Variants in PLPP3 observed in about 807,000 individuals in gnomAD.
The protein encoded by PLPP3 is PAP2 beta.
In PLPP3, 6 loss-of-function variants were observed where a neutral mutation model predicts 29.6. That is an observed-to-expected ratio of 0.20 (90% CI 0.11 to 0.40). The LOEUF (loss-of-function observed/expected upper bound fraction) is 0.40. Ranked by LOEUF, PLPP3 falls within the 10% of genes least tolerant of loss-of-function variation. The pLI, the probability that PLPP3 is intolerant of heterozygous loss-of-function variation, is 1.00. For synonymous variants in PLPP3, 152 were observed against 159.7 expected, an observed-to-expected ratio of 0.95 and a Z score of 0.36; for missense variants, 308 against 407.7, an observed-to-expected ratio of 0.76 and a Z score of 2.11.
chr1:56,575,543 G>A (rs1253909694), intron 1 of PLPP3, among the ~76,000 whole-genome samples: 1 of 152,182 alleles, frequency 6.6e-6, no homozygotes, highest in Non-Finnish European at 1.5e-5. Context: ...GTGCAAATGG[G>A]TAACTGGGAA....
intron 1 of PLPP3, among the ~76,000 whole-genome samples, chr1:56,574,198 C>CAAA (rs796800020): frequency 9.1e-6 from 1 of 109,926 alleles, no homozygotes; most frequent in Non-Finnish European, 1.9e-5. Context: ...GACTCTGTCT[C>CAAA]AAAAAAAAAA....
chr1:56,518,377 C>T (rs368596962), intron 4 of PLPP3, among the ~76,000 whole-genome samples: 1 of 152,096 alleles, frequency 6.6e-6, no homozygotes, highest in African/African-American at 2.4e-5. Flanking sequence ...TGGCACCCAA[C>T]AAACCCTCTG....
At chr1:56,535,392 TC>T (rs1230737892) in intron 2 of PLPP3, among the ~76,000 whole-genome samples, 1 of 152,184 alleles carries the variant, frequency 6.6e-6, no homozygotes. Context: ...TGCAGTAATT[TC>T]TTGGCTTGTG....
chr1:56,555,329 T>C (rs1171303419), intron 1 of PLPP3, among the ~76,000 whole-genome samples: 2 of 149,886 alleles, frequency 1.3e-5, no homozygotes, highest in African/African-American at 2.5e-5. Context: ...CTGGTTACAT[T>C]ATCTCGTTAT....
Position 56,565,582 on chromosome 1 carries a change from G to A in PLPP3, c.139+13296C>T, listed in dbSNP as rs142415416. Among the ~76,000 whole-genome samples, 1,119 of 152,114 alleles carry A rather than the reference G, an allele frequency of 7.4e-3. 7 individuals carry two copies. Among genetic ancestry groups the A allele is most frequent in the African/African-American group, 0.024 (1,004 of 41,476 alleles). On this transcript the variant is annotated intron_variant, in intron 1 of 5. Coordinates refer to ENST00000371250, the MANE Select transcript of PLPP3 (RefSeq NM_003713.5). ...ATTACAGGCACCCGCAACCGCACCC[G>A]GCTAATTTTTGTATTTTTATTAGAG...
At chr1:56,563,346 C>G (rs147888721) in intron 1 of PLPP3, among the ~76,000 whole-genome samples, 1 of 152,160 alleles carries the variant, frequency 6.6e-6, no homozygotes, top group African/African-American at 2.4e-5. Flanking sequence ...ATACACGGAG[C>G]GTTTTCCAAA....
intron 1 of PLPP3, among the ~76,000 whole-genome samples, chr1:56,565,631 G>A (rs181030985): frequency 1.3e-5 from 2 of 152,240 alleles, no homozygotes; most frequent in African/African-American, 4.8e-5. Context: ...ATGTTGGCCA[G>A]GTTGGTCTCG....
chr1:56,510,672 C>A (rs1266786999), intron 5 of PLPP3, among the ~76,000 whole-genome samples: 1 of 152,236 alleles, frequency 6.6e-6, no homozygotes, highest in African/African-American at 2.4e-5. Flanking sequence ...TTATTCATTC[C>A]TATACCTTCA....
chr1:56,506,247 G>A (rs1475161065), intron 5 of PLPP3, among the ~76,000 whole-genome samples: 1 of 152,192 alleles, frequency 6.6e-6, no homozygotes, highest in African/African-American at 2.4e-5. Flanking sequence ...AGAAACTGGG[G>A]ATTTGGTTCC....
At chr1:56,551,575 G>A (rs1646040118) in intron 1 of PLPP3, among the ~76,000 whole-genome samples, 1 of 152,166 alleles carries the variant, frequency 6.6e-6, no homozygotes, top group African/African-American at 2.4e-5. Flanking sequence ...GGAAGGAGAA[G>A]ATGCCTGGGA....
intron 1 of PLPP3, among the ~76,000 whole-genome samples, chr1:56,561,629 T>G (rs1457829899): frequency 6.6e-6 from 1 of 152,190 alleles, no homozygotes; most frequent in African/African-American, 2.4e-5. Context: ...TATATACTTT[T>G]TTTCAATGAA....
rs569834559 is a variant in PLPP3 at position 56,530,433 on chromosome 1, C to T, written c.298-5879G>A. Among the ~76,000 whole-genome samples, 4 of 152,266 alleles carry T rather than the reference C, an allele frequency of 2.6e-5. No homozygotes were observed. The South Asian group carries it at 8.3e-4, about 32-fold the overall frequency. On this transcript the variant is annotated intron_variant, in intron 2 of 5. Coordinates refer to ENST00000371250, the MANE Select transcript of PLPP3 (RefSeq NM_003713.5). ...CTCTCCCACCTGGAGATGTTAGTAC[C>T]ATTTCAAATTAACCAAGTCTAAGGT...
chr1:56,576,209 T>C (rs1646234491), intron 1 of PLPP3, among the ~76,000 whole-genome samples: 1 of 152,180 alleles, frequency 6.6e-6, no homozygotes, highest in African/African-American at 2.4e-5. Flanking sequence ...TTTTTCCAGA[T>C]ACTAGATGAA....
chr1:56,516,924 A>G (rs530610374), intron 4 of PLPP3: 112 of 152,246 alleles, frequency 7.4e-4, no homozygotes, highest in African/African-American at 2.6e-3. Context: ...TCTTTGTCCT[A>G]CCTTCAGAAC....
At chr1:56,563,571 A>G (rs544130842) in intron 1 of PLPP3, among the ~76,000 whole-genome samples, 1 of 152,308 alleles carries the variant, frequency 6.6e-6, no homozygotes, top group South Asian at 2.1e-4. Context: ...ATTCTCTCTG[A>G]TATATTTTCA....
intron 1 of PLPP3, among the ~76,000 whole-genome samples, chr1:56,543,911 T>C (rs566397416): frequency 6.6e-6 from 1 of 152,328 alleles, no homozygotes; most frequent in African/African-American, 2.4e-5. Flanking sequence ...CTAGTCCTAG[T>C]ACTTGGGTTT....
At chr1:56,518,231 C>T (rs575138615) in intron 4 of PLPP3, among the ~76,000 whole-genome samples, 2 of 152,258 alleles carry the variant, frequency 1.3e-5, no homozygotes, top group African/African-American at 4.8e-5. Flanking sequence ...ACAGCTGCTC[C>T]CAGGATCTGT....
rs150263021 is a variant in PLPP3, at chr1:56,504,148, G to A, written c.811-7472C>T. On this transcript the variant is annotated intron_variant, in intron 5 of 5. Coordinates refer to ENST00000371250, the MANE Select transcript of PLPP3 (RefSeq NM_003713.5). Reference sequence around the variant, plus strand: ...AGTAGTCCCACAAAATGAACAAAGAGGGTTTAGAGGAGGAAAGAAAGTTGA... The same window carrying A: ...AGTAGTCCCACAAAATGAACAAAGAAGGTTTAGAGGAGGAAAGAAAGTTGA... Among the ~76,000 whole-genome samples, 357 of 152,316 alleles carry A rather than the reference G, an allele frequency of 2.3e-3. 1 individual carries two copies. Among genetic ancestry groups the A allele is most frequent in the African/African-American group, 8.1e-3 (337 of 41,570 alleles).
intron 1 of PLPP3, among the ~76,000 whole-genome samples, chr1:56,553,311 A>T (rs1196140724): frequency 6.6e-6 from 1 of 152,150 alleles, no homozygotes; most frequent in African/African-American, 2.4e-5. Context: ...AGGGAGTGGC[A>T]CGGCAAGGCT....
Sources: allele counts gnomAD v4.1 joint callset (sites outside exome capture counted in the v4.1 genomes callset), GRCh38; gene constraint gnomAD v4.1.1; transcripts MANE v1.5; gene names NCBI Gene and HGNC (gene_info 2026-07-23, HGNC 2026-07-21).